Variants in EPHA5 observed in about 807,000 individuals in gnomAD.
EPHA5 encodes ephrin type-A receptor 5.
EPHA5 carries 60 observed loss-of-function variants against 105.0 expected under a neutral mutation model. The ratio of observed to expected loss-of-function variants is 0.57; its 90% CI spans 0.46 to 0.71. The LOEUF is 0.71. Among genes scored for constraint, EPHA5 ranks in the 30% least tolerant of loss-of-function variants. EPHA5 has a pLI of 0.00. For synonymous variants in EPHA5, 513 were observed against 449.1 expected (o/e 1.14, Z -1.80); for missense variants, 1,218 against 1,274.7 (o/e 0.96, Z 0.68).
intron 3 of EPHA5, among the ~76,000 whole-genome samples, chr4:65,550,760 C>T (rs1737818960): frequency 1.3e-5 from 2 of 152,048 alleles, no homozygotes; most frequent in Admixed American, 6.6e-5. Flanking sequence ...CCCTTGAACC[C>T]AGGAGGGTGA....
At chr4:65,564,729 G>A (rs78937560) in intron 3 of EPHA5, among the ~76,000 whole-genome samples, 1 of 151,340 alleles carries the variant, frequency 6.6e-6, no homozygotes, top group East Asian at 1.9e-4. Flanking sequence ...CTGTTGTAAT[G>A]GAAAAAAATG....
chr4:65,453,968 G>A (rs772765227), intron 5 of EPHA5, among the ~76,000 whole-genome samples: 1 of 95,032 alleles, frequency 1.1e-5, no homozygotes, highest in Non-Finnish European at 2.3e-5. Flanking sequence ...AGACCCCTAC[G>A]GATTTGCTGC....
At chr4:65,511,279 G>A (rs1394588897) in intron 3 of EPHA5, among the ~76,000 whole-genome samples, 1 of 152,114 alleles carries the variant, frequency 6.6e-6, no homozygotes, top group Non-Finnish European at 1.5e-5. Context: ...ACTAAGTTAT[G>A]TCTTTAAAAA....
At chr4:65,417,856 T>C (rs1421387366) in intron 6 of EPHA5, among the ~76,000 whole-genome samples, 1 of 152,160 alleles carries the variant, frequency 6.6e-6, no homozygotes, top group Non-Finnish European at 1.5e-5. Flanking sequence ...AGATAAATTC[T>C]TCTTAATATT....
chr4:65,527,032 A>T (rs1488939121), intron 3 of EPHA5, among the ~76,000 whole-genome samples: 1 of 152,046 alleles, frequency 6.6e-6, no homozygotes, highest in Non-Finnish European at 1.5e-5. Context: ...AAAATCATTT[A>T]AAATATTCAT....
intron 3 of EPHA5, among the ~76,000 whole-genome samples, chr4:65,555,252 T>A (rs768053981): frequency 6.6e-6 from 1 of 151,994 alleles, no homozygotes; most frequent in Non-Finnish European, 1.5e-5. Context: ...AAGAAAAGGC[T>A]ATGGAAGCTT....
At chr4:65,348,715 G>T (rs1338141045) in intron 13 of EPHA5, among the ~76,000 whole-genome samples, 1 of 115,572 alleles carries the variant, frequency 8.7e-6, no homozygotes, top group Non-Finnish European at 1.8e-5. Context: ...ATATGTGTGT[G>T]TATATATATG....
At chr4:65,542,097 GA>G (rs774882810) in intron 3 of EPHA5, among the ~76,000 whole-genome samples, 10 of 151,838 alleles carry the variant, frequency 6.6e-5, no homozygotes, top group Non-Finnish European at 1.2e-4. Flanking sequence ...TGTTAAGAGG[GA>G]AATTTACAGC....
intron 5 of EPHA5, among the ~76,000 whole-genome samples, chr4:65,438,208 G>A (rs1725667217): frequency 6.6e-6 from 1 of 151,828 alleles, no homozygotes; most frequent in Non-Finnish European, 1.5e-5. Flanking sequence ...TTCATTTAAT[G>A]ACTAAAAGAC....
At chr4:65,334,582 G>A (rs1720989917) in intron 15 of EPHA5, among the ~76,000 whole-genome samples, 1 of 151,928 alleles carries the variant, frequency 6.6e-6, no homozygotes, top group South Asian at 2.1e-4. Flanking sequence ...CGAGACAATG[G>A]ACCAGGAACT....
chr4:65,512,765 A>G (rs761241405), intron 3 of EPHA5, among the ~76,000 whole-genome samples: 1 of 152,150 alleles, frequency 6.6e-6, no homozygotes, highest in Non-Finnish European at 1.5e-5. Flanking sequence ...ACAGACTAAT[A>G]CAACATTTTA....
At chr4:65,480,690 G>A (rs989488347) in intron 5 of EPHA5, among the ~76,000 whole-genome samples, 2 of 152,108 alleles carry the variant, frequency 1.3e-5, no homozygotes, top group African/African-American at 4.8e-5. Flanking sequence ...CCATGGCAAT[G>A]TTCAGCTTCA....
rs143329709 is a variant in EPHA5 at position 65,485,304 on chromosome 4, A to T, written c.1402+5073T>A. 1.9e-3 allele frequency among the ~76,000 whole-genome samples: 289 copies of T among 151,986 alleles called. 1 individual carries two copies. Among genetic ancestry groups the T allele is most frequent in the Admixed American group, 4.1e-3 (62 of 15,246 alleles). ...TTCATCATAGCCACTATTTCTTTAC[A>T]TTATGTAACATCTACTTTTTTCTTG... On this transcript the variant is annotated intron_variant, in intron 5 of 16. Transcript: ENST00000613740.
chr4:65,552,455 C>G (rs1431685131), intron 3 of EPHA5, among the ~76,000 whole-genome samples: 2 of 152,082 alleles, frequency 1.3e-5, no homozygotes, highest in African/African-American at 4.8e-5. Context: ...CCGTTTTCTT[C>G]TTTTTCTTTG....
intron 8 of EPHA5, among the ~76,000 whole-genome samples, chr4:65,399,061 C>A (rs940439229): frequency 1.3e-5 from 2 of 152,144 alleles, no homozygotes; most frequent in African/African-American, 2.4e-5. Flanking sequence ...AGAGTGGCAA[C>A]CCTTTGGGGA....
At chr4:65,547,457 A>G (rs1737489064) in intron 3 of EPHA5, among the ~76,000 whole-genome samples, 1 of 151,966 alleles carries the variant, frequency 6.6e-6, no homozygotes, top group African/African-American at 2.4e-5. Flanking sequence ...GACATATTTT[A>G]TGGTCTAAAA....
chr4:65,640,020 C>T (rs758456477), intron 2 of EPHA5, among the ~76,000 whole-genome samples: 26 of 152,104 alleles, frequency 1.7e-4, no homozygotes, highest in Non-Finnish European at 7.3e-5. Flanking sequence ...CTTCTTTCAA[C>T]ATATTTTAAC....
chr4:65,333,510 TGTGTGC>T (rs1055547180), intron 15 of EPHA5, among the ~76,000 whole-genome samples: 5 of 146,490 alleles, frequency 3.4e-5, no homozygotes, highest in East Asian at 4.0e-4. Flanking sequence ...AAATCACAAT[TGTGTGC>T]GTGTGCGTGT....
chr4:65,467,040 G>T (rs771768219), intron 5 of EPHA5, among the ~76,000 whole-genome samples: 3 of 152,076 alleles, frequency 2.0e-5, no homozygotes, highest in African/African-American at 4.8e-5. Flanking sequence ...TGGGACAAAA[G>T]AAGTGGTTAT....
Sources: allele counts gnomAD v4.1 joint callset (sites outside exome capture counted in the v4.1 genomes callset), GRCh38; gene constraint gnomAD v4.1.1; transcripts MANE v1.5; gene names NCBI Gene and HGNC (gene_info 2026-07-23, HGNC 2026-07-21).